The following CPS1 variants were observed in gnomAD, a reference collection of about 807,000 sequenced individuals.
The protein encoded by CPS1 is carbamoyl-phosphate synthase 1.
A neutral mutation model predicts 174.6 loss-of-function variants in CPS1; 109 were observed. The observed-to-expected ratio is 0.62, with a 90% CI of 0.53 to 0.73. The LOEUF is 0.73. Ranked by LOEUF, CPS1 falls within the 30% of genes least tolerant of loss-of-function variation. CPS1 has a pLI of 0.00. For missense variants in CPS1, 1,689 were observed against 1,821.9 expected, an observed-to-expected ratio of 0.93 and a Z score of 1.33; for synonymous variants, 637 against 632.0, an observed-to-expected ratio of 1.01 and a Z score of -0.12.
chr2:210,648,172 A>G, intron 26 of CPS1, 115 bp downstream of exon 26: 3 of 1,018,156 alleles, frequency 2.9e-6, no homozygotes, highest in South Asian at 2.9e-5. Context: ...TAGAATGCAT[A>G]CACTTAGTGA....
intron 1 of CPS1, among the ~76,000 whole-genome samples, chr2:210,539,174 T>G (rs773770297): frequency 1.1e-4 from 16 of 152,190 alleles, no homozygotes; most frequent in Non-Finnish European, 1.8e-4. Context: ...CAACAGAATC[T>G]GCCTCATAGT....
intron 19 of CPS1, among the ~76,000 whole-genome samples, chr2:210,609,709 A>G (rs552804666): frequency 1.3e-5 from 2 of 152,018 alleles, no homozygotes; most frequent in East Asian, 3.9e-4. Flanking sequence ...TAAGTTGATT[A>G]GAGTACAGAG....
chr2:210,619,235 C>T (rs372723984), intron 21 of CPS1: 3 of 152,082 alleles, frequency 2.0e-5, no homozygotes, highest in Non-Finnish European at 4.4e-5. Context: ...AAGGAGCAGA[C>T]TATGGAGCCA....
At chr2:210,658,197 C>A in intron 30 of CPS1, 1 of 268,202 alleles carries the variant, frequency 3.7e-6, no homozygotes, top group Non-Finnish European at 7.3e-6. Flanking sequence ...TTTGCAGTAC[C>A]ATGTAATTTC....
chr2:210,482,783 A>G (rs1390830959), intron 1 of CPS1, among the ~76,000 whole-genome samples: 1 of 152,198 alleles, frequency 6.6e-6, no homozygotes, highest in Non-Finnish European at 1.5e-5. Context: ...TACATTTGTT[A>G]TATCATAGTC....
At chr2:210,676,241 A>C (rs1199731412) in intron 36 of CPS1, among the ~76,000 whole-genome samples, 1 of 152,228 alleles carries the variant, frequency 6.6e-6, no homozygotes, top group Non-Finnish European at 1.5e-5. Context: ...ACAGGAACCT[A>C]TGTTGAGTAC....
intron 1 of CPS1, among the ~76,000 whole-genome samples, chr2:210,520,676 T>C (rs1695798293): frequency 6.6e-6 from 1 of 152,086 alleles, no homozygotes; most frequent in Non-Finnish European, 1.5e-5. Context: ...TCTAAAATTT[T>C]ATACAAATGG....
chr2:210,584,671 G>T (rs1303747889), intron 6 of CPS1, among the ~76,000 whole-genome samples: 1 of 152,052 alleles, frequency 6.6e-6, no homozygotes, highest in Admixed American at 6.6e-5. Context: ...GGCTTAGCAA[G>T]TAAGTCTATT....
At position 210,599,372 on chromosome 2, in the gene CPS1, G is replaced by A; in HGVS notation, c.1360G>A (p.Glu454Lys). ...SGSQAVKAMK[E>K]ENVKTVLMNP... The stretch of plus-strand genomic sequence containing the variant: ...TACTGGATTCTTTTGTTTCTTTCAG[G>A]AAGAAAATGTCAAAACTGTTCTGAT... Residue 454 changes from glutamate (E) to lysine (K), a missense_variant and splice_region_variant, in exon 14 of 38, where the codon GAA (glutamate) becomes AAA (lysine). By Grantham distance (56) the Glu-to-Lys change is moderately conservative. Transcript: ENST00000233072. The A allele has an allele frequency of 6.2e-7, 1 of 1,611,912 alleles. No homozygotes were observed. Among genetic ancestry groups the A allele is most frequent in the South Asian group, 1.1e-5 (1 of 91,060 alleles).
rs749238466 is a variant in CPS1, at chr2:210,642,571, A to G, written c.3047A>G (p.Asn1016Ser). ...LGKKTVVVNC[N>S]PETVSTDFDE... is the part of the protein sequence containing the mutation. Reference sequence around the variant, plus strand: ...AAGAAGACGGTGGTGGTGAATTGCAATCCTGAGACTGTGAGCACAGACTTT... The same window carrying G: ...AAGAAGACGGTGGTGGTGAATTGCAGTCCTGAGACTGTGAGCACAGACTTT... Residue 1016 changes from asparagine to serine, a missense_variant, in exon 25 of 38, where the codon AAT (asparagine) becomes AGT (serine). Coordinates refer to ENST00000233072, the MANE Select transcript of CPS1 (RefSeq NM_001875.5). 4 of 1,613,972 alleles carry G rather than the reference A, an allele frequency of 2.5e-6. No individual in the cohort carries two copies. Among genetic ancestry groups the G allele is most frequent in the African/African-American group, 1.3e-5 (1 of 74,920 alleles).
chr2:210,650,893 A>G (rs151121941), intron 28 of CPS1, among the ~76,000 whole-genome samples: 10 of 152,306 alleles, frequency 6.6e-5, no homozygotes, highest in African/African-American at 2.2e-4. Flanking sequence ...CAAACATGCA[A>G]CTTTAATAGT....
At chr2:210,485,241 A>AT (rs1209701521) in intron 1 of CPS1, among the ~76,000 whole-genome samples, 2 of 140,042 alleles carry the variant, frequency 1.4e-5, no homozygotes, top group African/African-American at 4.9e-5. Context: ...CAAAAAAAAA[A>AT]AAAATAAAAT....
At chr2:210,482,709 T>C (rs928760508) in intron 1 of CPS1, among the ~76,000 whole-genome samples, 1 of 152,104 alleles carries the variant, frequency 6.6e-6, no homozygotes, top group Non-Finnish European at 1.5e-5. Flanking sequence ...CAATTCTGAA[T>C]ATAAAAGCCA....
chr2:210,544,126 G>T (rs916564622), intron 1 of CPS1, among the ~76,000 whole-genome samples: 5 of 152,100 alleles, frequency 3.3e-5, no homozygotes, highest in African/African-American at 7.2e-5. Flanking sequence ...AGGATAGAAT[G>T]AGGTTATGAC....
intron 1 of CPS1, among the ~76,000 whole-genome samples, chr2:210,486,293 T>C (rs1694723730): frequency 6.6e-6 from 1 of 152,068 alleles, no homozygotes; most frequent in Admixed American, 6.6e-5. Flanking sequence ...ATATAAGTCA[T>C]TTATGAGATA....
At position 210,567,888 on chromosome 2, in the gene CPS1, G is replaced by A. The variant is rs968915361; in HGVS notation, c.127-5410G>A. On this transcript the variant is annotated intron_variant, in intron 1 of 37. Coordinates refer to ENST00000233072, the MANE Select transcript of CPS1 (RefSeq NM_001875.5). The stretch of plus-strand genomic sequence containing the variant: ...ATGAAAATTAGTAAAATGACCAGAA[G>A]TCAGTGAGCATCAAATAACTATTTT... 3.9e-5 allele frequency among the ~76,000 whole-genome samples: 6 copies of A among 152,150 alleles called. No homozygotes were observed. In the East Asian group the frequency reaches 1.2e-3, roughly 29 times the overall value.
At chr2:210,542,696 G>T (rs577750708) in intron 1 of CPS1, among the ~76,000 whole-genome samples, 1 of 151,834 alleles carries the variant, frequency 6.6e-6, no homozygotes, top group South Asian at 2.1e-4. Flanking sequence ...GCCTACAAAC[G>T]TGTCTTGGGC....
Position 210,595,784 on chromosome 2 carries a change from T to A in CPS1, c.1359+202T>A, listed in dbSNP as rs370995097. On this transcript the variant is annotated intron_variant, in intron 13 of 37. Transcript: ENST00000233072. Reference sequence around the variant, plus strand: ...TTTCTGTAATGTGCACATCTGTAAATTGAGGAGGTTAATCTCCAAAATTAT... The same window carrying A: ...TTTCTGTAATGTGCACATCTGTAAAATGAGGAGGTTAATCTCCAAAATTAT... Among the ~76,000 whole-genome samples the A allele has an allele frequency of 7.2e-5, 11 of 152,112 alleles. No individual in the cohort carries two copies. The East Asian group carries it at 2.1e-3, about 30-fold the overall frequency.
In CPS1 at chr2:210,663,111, T is replaced by G. The variant is rs1310465354; in HGVS notation, c.3928-12T>G. On this transcript the variant is annotated splice_polypyrimidine_tract_variant and intron_variant, in intron 32 of 37. Transcript: ENST00000233072. ...ACATAATTTTTCTCCCTGTTTTTTTTTTTTCCAACAGGCTCCCATGTTTTC... is the reference window on the plus strand; with the variant it reads ...ACATAATTTTTCTCCCTGTTTTTTTGTTTTCCAACAGGCTCCCATGTTTTC... 3 of 1,613,806 alleles carry G rather than the reference T, an allele frequency of 1.9e-6. No individual in the cohort carries two copies. Among genetic ancestry groups the G allele is most frequent in the Non-Finnish European group, 2.5e-6 (3 of 1,179,788 alleles).
Sources: gnomAD v4.1 joint callset for allele counts (sites outside exome capture counted in the v4.1 genomes callset) on GRCh38, gnomAD v4.1.1 for gene constraint, MANE v1.5 for transcripts, NCBI Gene and HGNC (gene_info 2026-07-23, HGNC 2026-07-21) for gene names.